RIMS1: variants seen among roughly 807,000 people sequenced by gnomAD.
RIMS1 encodes regulating synaptic membrane exocytosis 1.
Under a neutral mutation model 214.1 loss-of-function variants are expected in RIMS1, and 83 were observed. That is an observed-to-expected ratio of 0.39 (90% CI 0.32 to 0.47). The LOEUF (loss-of-function observed/expected upper bound fraction) is 0.47. RIMS1 is among the 20% of genes least tolerant of loss of function. The pLI, the probability that RIMS1 is intolerant of heterozygous loss-of-function variation, is 0.99. For missense variants in RIMS1, 2,050 were observed against 2,161.8 expected (o/e 0.95, Z 1.03); for synonymous variants, 793 against 786.8 (o/e 1.01, Z -0.13).
intron 1 of RIMS1, among the ~76,000 whole-genome samples, chr6:71,941,195 A>T (rs1786017006): frequency 6.6e-6 from 1 of 152,138 alleles, no homozygotes; most frequent in Non-Finnish European, 1.5e-5. Flanking sequence ...TTATGAATAA[A>T]TATGTTTTTC....
chr6:72,061,314 C>T (rs988835377), intron 2 of RIMS1, among the ~76,000 whole-genome samples: 1 of 152,128 alleles, frequency 6.6e-6, no homozygotes, highest in Non-Finnish European at 1.5e-5. Context: ...ATTAGGTTAA[C>T]AGGATTAAAT....
At chr6:72,262,151 C>T (rs1047510153) in intron 19 of RIMS1, 29 of 978,994 alleles carry the variant, frequency 3.0e-5, no homozygotes, top group Non-Finnish European at 3.5e-5. Context: ...ATACTCACAC[C>T]AGTGGTCTAA....
chr6:72,291,945 A>G lies in RIMS1; in HGVS notation c.3749A>G (p.Gln1250Arg), dbSNP rs1386801578. ...CTTTTTGCCTGCAGAATGCACCGAC[A>G]GAGAAGTCCAACACAATCTCCTCCA... Reference protein sequence around the residue: ...PSPLLTRMHRQRSPTQSPPAD... With the variant: ...PSPLLTRMHRRRSPTQSPPAD... Residue 1250 changes from glutamine (Q) to arginine (R), a missense_variant, in exon 26 of 34, where the codon CAG becomes CGG. Transcript: ENST00000521978. 3 of 1,558,846 alleles carry G rather than the reference A, an allele frequency of 1.9e-6. No individual in the cohort carries two copies. The highest frequency in any genetic ancestry group is 2.6e-6 in the Non-Finnish European group (3 of 1,151,406).
chr6:72,333,395 G>T (rs1015527886), intron 28 of RIMS1, among the ~76,000 whole-genome samples: 1 of 151,670 alleles, frequency 6.6e-6, no homozygotes, highest in African/African-American at 2.4e-5. Context: ...TGTTGAAATG[G>T]CATTGTTTTA....
intron 28 of RIMS1, among the ~76,000 whole-genome samples, chr6:72,325,882 T>A (rs970999725): frequency 6.6e-6 from 1 of 151,826 alleles, no homozygotes; most frequent in Admixed American, 6.6e-5. Flanking sequence ...TAGGAGGTAT[T>A]TAATGCCACC....
chr6:72,091,792 TTCCA>T (rs1394065773), intron 2 of RIMS1, among the ~76,000 whole-genome samples: 2 of 152,234 alleles, frequency 1.3e-5, no homozygotes, highest in African/African-American at 2.4e-5. Flanking sequence ...ACTCTCCATT[TTCCA>T]TGTGGATAAT....
At chr6:72,329,073 G>GA (rs1193748693) in intron 28 of RIMS1, among the ~76,000 whole-genome samples, 1 of 151,756 alleles carries the variant, frequency 6.6e-6, no homozygotes, top group East Asian at 1.9e-4. Context: ...ACCAGAGTCA[G>GA]AAAAAAAGAA....
At chr6:72,110,046 G>A (rs953158338) in intron 4 of RIMS1, among the ~76,000 whole-genome samples, 3 of 152,082 alleles carry the variant, frequency 2.0e-5, no homozygotes, top group Admixed American at 2.0e-4. Flanking sequence ...GCTCTGTTCT[G>A]TTCCATTTAT....
At chr6:72,266,093 T>C in intron 22 of RIMS1, 44 bp downstream of exon 22, 1 of 1,384,598 alleles carries the variant, frequency 7.2e-7, no homozygotes, top group Non-Finnish European at 1.0e-6. Context: ...TTTGTACTAG[T>C]GATTTTTTTC....
At chr6:72,331,751 T>C (rs1311347865) in intron 28 of RIMS1, among the ~76,000 whole-genome samples, 1 of 151,826 alleles carries the variant, frequency 6.6e-6, no homozygotes, top group Non-Finnish European at 1.5e-5. Flanking sequence ...GTACATAAAA[T>C]GCATAGCAAA....
At chr6:72,004,438 T>TC (rs1806598855) in intron 2 of RIMS1, among the ~76,000 whole-genome samples, 1 of 152,056 alleles carries the variant, frequency 6.6e-6, no homozygotes, top group African/African-American at 2.4e-5. Flanking sequence ...CCCTGAGGAA[T>TC]CGCCACACTG....
rs1414145310 is a variant in RIMS1 at position 71,958,257 on chromosome 6, T to C, written c.165-10726T>C. Among the ~76,000 whole-genome samples the C allele has an allele frequency of 2.0e-5, 3 of 152,158 alleles. No homozygotes were observed. In the East Asian group the frequency reaches 5.8e-4, roughly 29 times the overall value. On this transcript the variant is annotated intron_variant, in intron 1 of 33. Coordinates refer to ENST00000521978, the MANE Select transcript of RIMS1 (RefSeq NM_014989.7). ...GTTCATTGATTACATCCAATCACTA[T>C]GTAAAGATTCGATGTCATAATCATC...
intron 4 of RIMS1, among the ~76,000 whole-genome samples, chr6:72,123,538 T>C (rs1322374452): frequency 6.6e-6 from 1 of 151,928 alleles, no homozygotes; most frequent in Non-Finnish European, 1.5e-5. Flanking sequence ...GTTAACTTTC[T>C]GTCTCGTTGA....
chr6:72,324,623 G>T (rs2096365385), intron 28 of RIMS1, among the ~76,000 whole-genome samples: 1 of 151,856 alleles, frequency 6.6e-6, no homozygotes, highest in Admixed American at 6.6e-5. Flanking sequence ...ATCATAGAAT[G>T]AAAGGGGACA....
intron 29 of RIMS1, among the ~76,000 whole-genome samples, chr6:72,342,993 G>T (rs2154358582): frequency 6.6e-6 from 1 of 151,854 alleles, no homozygotes; most frequent in Non-Finnish European, 1.5e-5. Context: ...GATATAGGGT[G>T]AGCAATGTTG....
intron 26 of RIMS1, among the ~76,000 whole-genome samples, chr6:72,302,794 G>C (rs1241837684): frequency 6.6e-6 from 1 of 151,340 alleles, no homozygotes; most frequent in African/African-American, 2.4e-5. Flanking sequence ...TATATGAGCT[G>C]ACCTTGTTAA....
chr6:72,396,286 A>G (rs112902109), intron 31 of RIMS1, among the ~76,000 whole-genome samples: 5 of 152,118 alleles, frequency 3.3e-5, no homozygotes, highest in Admixed American at 6.5e-5. Flanking sequence ...ACACGTGTGT[A>G]TGTGTGTGTG....
At chr6:72,222,940 T>C (rs1464386803) in intron 6 of RIMS1, among the ~76,000 whole-genome samples, 2 of 152,224 alleles carry the variant, frequency 1.3e-5, no homozygotes, top group Non-Finnish European at 2.9e-5. Context: ...GCACATAGAC[T>C]CTTAGCTGAT....
chr6:71,966,516 G>A (rs1473566179), intron 1 of RIMS1, among the ~76,000 whole-genome samples: 2 of 151,962 alleles, frequency 1.3e-5, no homozygotes, highest in African/African-American at 2.4e-5. Flanking sequence ...TTTTTAAATT[G>A]TTATTTTGTT....
Sources: gnomAD v4.1 joint callset for allele counts (sites outside exome capture counted in the v4.1 genomes callset) on GRCh38, gnomAD v4.1.1 for gene constraint, MANE v1.5 for transcripts, NCBI Gene and HGNC (gene_info 2026-07-23, HGNC 2026-07-21) for gene names.